Variants in WWOX observed in about 807,000 individuals in gnomAD.
WWOX encodes WW domain containing oxidoreductase, also known as WW domain-containing oxidoreductase.
WWOX carries 69 observed loss-of-function variants against 46.2 expected under a neutral mutation model. The observed-to-expected ratio is 1.49, with a 90% CI of 1.23 to 1.82. The LOEUF (loss-of-function observed/expected upper bound fraction) is 1.82. Among genes scored for constraint, WWOX ranks in the 40% most tolerant of loss-of-function variants. The pLI is 0.00. For synonymous variants in WWOX, 359 were observed against 202.6 expected, an observed-to-expected ratio of 1.77 and a Z score of -6.56; for missense variants, 919 against 542.6, an observed-to-expected ratio of 1.69 and a Z score of -6.89.
At chr16:78,387,491 A>G (rs1040747874) in intron 6 of WWOX, among the ~76,000 whole-genome samples, 8 of 152,110 alleles carry the variant, frequency 5.3e-5, no homozygotes, top group Admixed American at 3.9e-4. Flanking sequence ...CCAGTTGGAG[A>G]AAGCCTTAGT....
At chr16:79,176,651 G>A (rs1253473222) in intron 8 of WWOX, among the ~76,000 whole-genome samples, 1 of 151,988 alleles carries the variant, frequency 6.6e-6, no homozygotes, top group Non-Finnish European at 1.5e-5. Flanking sequence ...TTGAATCTAT[G>A]GACATGTCTT....
At chr16:78,941,434 G>T (rs550186420) in intron 8 of WWOX, among the ~76,000 whole-genome samples, 1 of 151,402 alleles carries the variant, frequency 6.6e-6, no homozygotes, top group Non-Finnish European at 1.5e-5. Flanking sequence ...CCTCGTAAGC[G>T]CATCATTACC....
At chr16:78,615,897 C>T (rs1447246911) in intron 8 of WWOX, among the ~76,000 whole-genome samples, 1 of 151,896 alleles carries the variant, frequency 6.6e-6, no homozygotes, top group Non-Finnish European at 1.5e-5. Flanking sequence ...ACTACAGGCG[C>T]CCGCCACCAC....
At chr16:78,411,339 T>C (rs539509775) in intron 6 of WWOX, among the ~76,000 whole-genome samples, 27 of 152,276 alleles carry the variant, frequency 1.8e-4, no homozygotes, top group African/African-American at 6.3e-4. Flanking sequence ...ATATTGCTAA[T>C]GGATTTTAAA....
intron 8 of WWOX, among the ~76,000 whole-genome samples, chr16:78,926,946 G>A (rs1259628104): frequency 6.6e-6 from 1 of 152,074 alleles, no homozygotes; most frequent in Non-Finnish European, 1.5e-5. Context: ...ACAGGCACCA[G>A]CAATGACACC....
intron 8 of WWOX, among the ~76,000 whole-genome samples, chr16:78,474,625 T>C (rs879606774): frequency 2.6e-5 from 4 of 152,206 alleles, no homozygotes; most frequent in Admixed American, 1.3e-4. Flanking sequence ...GCATTTAAAG[T>C]GTACAATTCA....
intron 8 of WWOX, chr16:79,101,065 C>G (rs970446668): frequency 1.3e-5 from 2 of 152,730 alleles, no homozygotes; most frequent in Non-Finnish European, 2.9e-5. Flanking sequence ...TCAGCAAAGA[C>G]CATTTACAGA....
At chr16:78,759,310 C>T (rs922041890) in intron 8 of WWOX, among the ~76,000 whole-genome samples, 21 of 152,110 alleles carry the variant, frequency 1.4e-4, no homozygotes, top group Admixed American at 6.6e-5. Context: ...GAAATGAATT[C>T]GTAAGTGTGC....
intron 5 of WWOX, among the ~76,000 whole-genome samples, chr16:78,263,563 T>C (rs1472807418): frequency 6.6e-6 from 1 of 152,200 alleles, no homozygotes; most frequent in African/African-American, 2.4e-5. Context: ...GTTGATTTGT[T>C]ACTTACCGTG....
chr16:78,423,420 T>G lies in WWOX; in HGVS notation c.606-1450T>G, dbSNP rs1433917279. On this transcript the variant is annotated intron_variant, in intron 6 of 8. Coordinates refer to ENST00000566780, the MANE Select transcript of WWOX (RefSeq NM_016373.4). The stretch of plus-strand genomic sequence containing the variant: ...TTTAGTTTACTTTATATTTGCTGCT[T>G]TAGTTTGTCACAAACACCGTGGATA... Among the ~76,000 whole-genome samples the G allele has an allele frequency of 3.3e-5, 5 of 152,214 alleles. No homozygotes were observed. In the East Asian group the frequency reaches 9.6e-4, roughly 29 times the overall value.
intron 8 of WWOX, among the ~76,000 whole-genome samples, chr16:78,539,056 CA>C (rs1329977597): frequency 3.9e-5 from 6 of 152,324 alleles, no homozygotes; most frequent in African/African-American, 1.4e-4. Context: ...CTCATGGCAG[CA>C]GTCACAATTT....
At chr16:79,110,006 G>T (rs2049386359) in intron 8 of WWOX, among the ~76,000 whole-genome samples, 1 of 152,156 alleles carries the variant, frequency 6.6e-6, no homozygotes, top group Non-Finnish European at 1.5e-5. Context: ...ATGTCGCAAG[G>T]GCTTTGGGAA....
chr16:78,243,990 C>G (rs980422160), intron 5 of WWOX, among the ~76,000 whole-genome samples: 1 of 152,172 alleles, frequency 6.6e-6, no homozygotes, highest in African/African-American at 2.4e-5. Flanking sequence ...TCCACTCTAC[C>G]GTTTGATGTC....
At chr16:78,915,125 C>G (rs73581247) in intron 8 of WWOX, among the ~76,000 whole-genome samples, 5,733 of 152,212 alleles carry the variant, frequency 0.038, 358 homozygotes, top group African/African-American at 0.13. Context: ...GCAGCTTGGA[C>G]TCCTGCTGCA....
intron 8 of WWOX, among the ~76,000 whole-genome samples, chr16:78,994,709 G>C (rs922437857): frequency 2.0e-5 from 3 of 152,038 alleles, no homozygotes; most frequent in Non-Finnish European, 4.4e-5. Flanking sequence ...ATCAAAAGGG[G>C]GAAAAAACTC....
chr16:78,912,303 T>C (rs1013896902), intron 8 of WWOX, among the ~76,000 whole-genome samples: 3 of 152,038 alleles, frequency 2.0e-5, no homozygotes, highest in African/African-American at 7.2e-5. Flanking sequence ...GGCACTATGC[T>C]ATGCACCTTA....
chr16:78,459,939 G>C (rs552809652), intron 8 of WWOX, among the ~76,000 whole-genome samples: 99 of 151,728 alleles, frequency 6.5e-4, no homozygotes, highest in Non-Finnish European at 1.1e-3. Flanking sequence ...CGGGTAGTTA[G>C]GGCTACAGGC....
intron 8 of WWOX, among the ~76,000 whole-genome samples, chr16:78,860,827 T>C (rs1034152589): frequency 2.0e-5 from 3 of 152,120 alleles, no homozygotes; most frequent in African/African-American, 7.2e-5. Flanking sequence ...AGGATTTCTC[T>C]CCCAGGTGTT....
intron 8 of WWOX, among the ~76,000 whole-genome samples, chr16:78,498,136 T>C (rs1257719862): frequency 1.5e-5 from 2 of 135,796 alleles, no homozygotes; most frequent in South Asian, 2.3e-4. Flanking sequence ...ACATGGGAGG[T>C]GGAGCTTGCA....
Sources: gnomAD v4.1 joint callset for allele counts (sites outside exome capture counted in the v4.1 genomes callset) on GRCh38, gnomAD v4.1.1 for gene constraint, MANE v1.5 for transcripts, NCBI Gene and HGNC (gene_info 2026-07-23, HGNC 2026-07-21) for gene names.